TBC1D15: variants seen among roughly 807,000 people sequenced by gnomAD.
TBC1D15 encodes TBC1 domain family member 15, also known as GAP for RAB7.
Under a neutral mutation model 95.4 loss-of-function variants are expected in TBC1D15, and 39 were observed. That is an observed-to-expected ratio of 0.41 (90% CI 0.32 to 0.53). The LOEUF (loss-of-function observed/expected upper bound fraction) is 0.53, where lower values mean the gene tolerates loss of function less well. TBC1D15 is among the 20% of genes least tolerant of loss of function. The pLI is 0.29. For missense variants in TBC1D15, 733 were observed against 794.3 expected, an observed-to-expected ratio of 0.92 and a Z score of 0.93; for synonymous variants, 258 against 261.3, an observed-to-expected ratio of 0.99 and a Z score of 0.12.
Position 71,912,449 on chromosome 12 carries a change from A to T in TBC1D15, c.1301-1377A>T, listed in dbSNP as rs114650944. Among the ~76,000 whole-genome samples, 897 of 152,248 alleles carry T rather than the reference A, an allele frequency of 5.9e-3. 4 individuals are homozygous for T. The highest frequency in any genetic ancestry group is 0.019 in the African/African-American group (808 of 41,566). On this transcript the variant is annotated intron_variant, in intron 11 of 16. Coordinates refer to ENST00000485960, the MANE Select transcript of TBC1D15 (RefSeq NM_001146213.3). Reference sequence around the variant, plus strand: ...CAGGACTGTGGAAAGATGTGGTGGTAAGATGATTGGACAGAGGCTCACAGC... The same window carrying T: ...CAGGACTGTGGAAAGATGTGGTGGTTAGATGATTGGACAGAGGCTCACAGC...
At position 71,922,941 on chromosome 12, in the gene TBC1D15, CTG is replaced by C. The variant is rs200901413; in HGVS notation, c.1804-40_1804-39del. 1.0e-3 allele frequency: 1,636 copies of C among 1,581,934 alleles called. 14 individuals carry two copies. The African/African-American group carries it at 0.02, about 19-fold the overall frequency. ...GTGTTACTTTGTGGTTATTTTTCCT[CTG>C]TAGTGAAATATGGTTTTGAGTTTGA... is the stretch of plus-strand genomic sequence containing the variant. On this transcript the variant is annotated intron_variant, in intron 16 of 16. Coordinates refer to ENST00000485960, the MANE Select transcript of TBC1D15 (RefSeq NM_001146213.3).
chr12:71,840,979 T>A (rs982680085), intron 1 of TBC1D15: 3 of 152,196 alleles, frequency 2.0e-5, no homozygotes, highest in Admixed American at 2.0e-4. Flanking sequence ...AAATTTTTTT[T>A]TAAAAAAACA....
intron 2 of TBC1D15, 24 bp from the exon 3 acceptor site, chr12:71,872,905 A>C (rs768772519): frequency 6.6e-7 from 1 of 1,521,580 alleles, no homozygotes; most frequent in African/African-American, 1.4e-5. Context: ...AATATTAAAT[A>C]TAGTTCATAA....
At chr12:71,879,043 C>T (rs1894576569) in intron 3 of TBC1D15, among the ~76,000 whole-genome samples, 1 of 152,052 alleles carries the variant, frequency 6.6e-6, no homozygotes, top group Non-Finnish European at 1.5e-5. Flanking sequence ...ACTATTGACA[C>T]ATGAATACAA....
At chr12:71,905,385 G>T (rs1419289160) in intron 10 of TBC1D15, among the ~76,000 whole-genome samples, 2 of 152,054 alleles carry the variant, frequency 1.3e-5, no homozygotes, top group Non-Finnish European at 2.9e-5. Flanking sequence ...GAGTACAGTG[G>T]TGCCATCACG....
At chr12:71,841,299 A>G (rs1337999745) in intron 1 of TBC1D15, 2 of 152,048 alleles carry the variant, frequency 1.3e-5, no homozygotes, top group Non-Finnish European at 2.9e-5. Flanking sequence ...AACATTTTTC[A>G]CTCTTTGCAG....
At chr12:71,914,542 G>T (rs759287116) in intron 12 of TBC1D15, among the ~76,000 whole-genome samples, 1 of 151,844 alleles carries the variant, frequency 6.6e-6, no homozygotes, top group Non-Finnish European at 1.5e-5. Context: ...ATATTGACAG[G>T]AAAATAAAAG....
intron 1 of TBC1D15, among the ~76,000 whole-genome samples, chr12:71,842,881 G>A (rs1009616264): frequency 2.6e-5 from 4 of 151,648 alleles, no homozygotes; most frequent in African/African-American, 7.3e-5. Context: ...AGGGATTAGA[G>A]TGGGAGAAAT....
At chr12:71,868,676 A>G (rs933555544) in intron 1 of TBC1D15, 9 of 152,230 alleles carry the variant, frequency 5.9e-5, no homozygotes, top group Non-Finnish European at 1.0e-4. Context: ...CAAATGTAAG[A>G]GGAAGAGTTG....
chr12:71,898,877 T>C (rs544057394), intron 10 of TBC1D15, among the ~76,000 whole-genome samples: 2 of 152,270 alleles, frequency 1.3e-5, no homozygotes, highest in Non-Finnish European at 1.5e-5. Flanking sequence ...CAGTGATACT[T>C]TTGATCCAAA....
intron 1 of TBC1D15, among the ~76,000 whole-genome samples, chr12:71,844,030 A>T (rs368308971): frequency 1.3e-5 from 2 of 152,262 alleles, no homozygotes. Context: ...TCATCTACAC[A>T]GTTTTGTCCT....
intron 10 of TBC1D15, 44 bp from the exon 11 acceptor site, chr12:71,906,978 G>A (rs773965438): frequency 1.5e-6 from 2 of 1,316,432 alleles, no homozygotes; most frequent in Non-Finnish European, 2.1e-6. Flanking sequence ...ATCACAATCT[G>A]TTTTTTGGAA....
In TBC1D15 at chr12:71,871,054, T is replaced by C. The variant is rs1892564864; in HGVS notation, c.31-1016T>C. ...TCTAGAAGTGACTGTTTTTTACTTA[T>C]TTTCATAATTAAAAAAATTTTTAAA... On this transcript the variant is annotated intron_variant, in intron 1 of 16. Transcript: ENST00000485960. Among the ~76,000 whole-genome samples, 3 of 152,272 alleles carry C rather than the reference T, an allele frequency of 2.0e-5. No homozygotes were observed. The South Asian group carries it at 6.2e-4, about 32-fold the overall frequency.
At chr12:71,917,846 A>T (rs1260896507) in intron 13 of TBC1D15, 49 bp downstream of exon 13, 5 of 1,232,750 alleles carry the variant, frequency 4.1e-6, no homozygotes, top group Non-Finnish European at 5.9e-6. Flanking sequence ...AGAGTAATGC[A>T]TAGAAAAAAA....
rs373064674 is a variant in TBC1D15 at position 71,894,386 on chromosome 12, C to T, written c.658-300C>T. 786 of 1,612,372 alleles carry T rather than the reference C, an allele frequency of 4.9e-4. 1 individual carries two copies. Among genetic ancestry groups the T allele is most frequent in the Non-Finnish European group, 5.7e-4 (670 of 1,178,726 alleles). ...ATTCACCACTGGAAAGTAAGCACTGCGTATGTTTTCTGATGTATGCAGATT... is the reference window on the plus strand; with the variant it reads ...ATTCACCACTGGAAAGTAAGCACTGTGTATGTTTTCTGATGTATGCAGATT... On this transcript the variant is annotated intron_variant, in intron 6 of 16. Transcript: ENST00000485960.
chr12:71,841,110 T>G (rs1427915880), intron 1 of TBC1D15: 1 of 152,190 alleles, frequency 6.6e-6, no homozygotes, highest in Non-Finnish European at 1.5e-5. Context: ...GGGTGGATGC[T>G]GATATACTGC....
chr12:71,840,932 A>G (rs1039920564), intron 1 of TBC1D15, among the ~76,000 whole-genome samples: 1 of 152,146 alleles, frequency 6.6e-6, no homozygotes, highest in Non-Finnish European at 1.5e-5. Flanking sequence ...GGAGATGCCA[A>G]TCATTATTTC....
In TBC1D15 at chr12:71,897,836, G is replaced by A; in HGVS notation, c.1089-11G>A. 6.2e-7 allele frequency: 1 copy of A among 1,603,050 alleles called. No homozygotes were observed. The highest frequency in any genetic ancestry group is 8.5e-7 in the Non-Finnish European group (1 of 1,172,730). ...AAATAGCTTTCTTTGATGTCAAATT[G>A]TTTTCTATAGTGATGAATACTTCAG... On this transcript the variant is annotated splice_polypyrimidine_tract_variant and intron_variant, in intron 9 of 16. Transcript: ENST00000485960.
chr12:71,896,506 A>G lies in TBC1D15; in HGVS notation c.985-171A>G, dbSNP rs148297373. The G allele has an allele frequency of 1.1e-3, 666 of 614,356 alleles. 6 individuals carry two copies. The African/African-American group carries it at 0.012, about 11-fold the overall frequency. The allele number at this position is 614,356 out of a possible 1,614,324, so 38.1% of individuals were successfully genotyped here. A position where few individuals can be genotyped will look rare whatever the true frequency, so the allele number is the denominator to read the frequency against. On this transcript the variant is annotated intron_variant, in intron 8 of 16. Coordinates refer to ENST00000485960, the MANE Select transcript of TBC1D15 (RefSeq NM_001146213.3). ...TGTTTAAACTTTCTGGCAGCTGCTTACATCTTTTGGATCTAGAAGTAAAAA... is the reference window on the plus strand; with the variant it reads ...TGTTTAAACTTTCTGGCAGCTGCTTGCATCTTTTGGATCTAGAAGTAAAAA...
Sources: gnomAD v4.1 joint callset for allele counts (sites outside exome capture counted in the v4.1 genomes callset) on GRCh38, gnomAD v4.1.1 for gene constraint, MANE v1.5 for transcripts, NCBI Gene and HGNC (gene_info 2026-07-23, HGNC 2026-07-21) for gene names.